Variants in VAV1 observed in about 807,000 individuals in gnomAD.
VAV1 encodes proto-oncogene vav.
VAV1 carries 33 observed loss-of-function variants against 128.1 expected under a neutral mutation model. The observed-to-expected ratio is 0.26, with a 90% CI of 0.20 to 0.34. The LOEUF is 0.34. Ranked by LOEUF, VAV1 falls within the 10% of genes least tolerant of loss-of-function variation. VAV1 has a pLI of 1.00. For missense variants in VAV1, 715 were observed against 1,093.7 expected (o/e 0.65, Z 4.88); for synonymous variants, 394 against 409.8 (o/e 0.96, Z 0.47).
At chr19:6,813,940 G>A (rs908974841) in intron 1 of VAV1, among the ~76,000 whole-genome samples, 1 of 152,026 alleles carries the variant, frequency 6.6e-6, no homozygotes, top group African/African-American at 2.4e-5. Context: ...TATGCTTGTA[G>A]TCCCAGCTAC....
At chr19:6,836,167 C>T in intron 19 of VAV1, 2 of 339,414 alleles carry the variant, frequency 5.9e-6, no homozygotes, top group Non-Finnish European at 1.1e-5. Flanking sequence ...AGCCACCGTG[C>T]CCAGCCAGGA....
rs201627485 is a variant in VAV1 at position 6,833,980 on chromosome 19, G to A, written c.1777+27G>A. On this transcript the variant is annotated intron_variant, in intron 19 of 26. Transcript: ENST00000602142. ...TGAGTTGGCAGGGGTTGCTGTGTGG[G>A]GGCAGGAGGAAAATTCATCTCTATT... is the stretch of plus-strand genomic sequence containing the variant. 14 of 1,613,842 alleles carry A rather than the reference G, an allele frequency of 8.7e-6. No individual in the cohort carries two copies. The Admixed American group carries it at 2.0e-4, about 23-fold the overall frequency.
At chr19:6,799,844 CAAAAAAAAAA>C (rs60826995) in intron 1 of VAV1, among the ~76,000 whole-genome samples, 10 of 48,950 alleles carry the variant, frequency 2.0e-4, no homozygotes, top group Non-Finnish European at 3.2e-4. Context: ...GAGACTGTCT[CAAAAAAAAAA>C]AAAAAAAAAA....
At chr19:6,845,122 T>C (rs1599678435) in intron 22 of VAV1, among the ~76,000 whole-genome samples, 1 of 152,226 alleles carries the variant, frequency 6.6e-6, no homozygotes, top group African/African-American at 2.4e-5. Flanking sequence ...GGCTCACGCC[T>C]GTAATCTCAG....
At position 6,823,926 on chromosome 19, in the gene VAV1, T is replaced by G. The variant is rs10421702; in HGVS notation, c.655-1127T>G. Among the ~76,000 whole-genome samples, 567 of 151,474 alleles carry G rather than the reference T, an allele frequency of 3.7e-3. 5 individuals carry two copies. The highest frequency in any genetic ancestry group is 0.013 in the African/African-American group (547 of 40,882). ...TCATTTGTTTTGTTTTGGTTTTTTT[T>G]GTTTCTTTTTTTTTGATTTGTTTTG... On this transcript the variant is annotated intron_variant, in intron 6 of 26. Transcript: ENST00000602142.
rs149087852 is a variant in VAV1, at chr19:6,789,291, C to T, written c.204+16280C>T. Among the ~76,000 whole-genome samples the T allele has an allele frequency of 9.7e-3, 1,455 of 150,730 alleles. 22 individuals are homozygous for T. The highest frequency in any genetic ancestry group is 0.033 in the African/African-American group (1,334 of 40,688). On this transcript the variant is annotated intron_variant, in intron 1 of 26. Coordinates refer to ENST00000602142, the MANE Select transcript of VAV1 (RefSeq NM_005428.4). Reference sequence around the variant, plus strand: ...TTTTTTTGACAGAGTCTCACTCTGTCGCCCAGGCTGGAGTGCAGTGGCGCG... The same window carrying T: ...TTTTTTTGACAGAGTCTCACTCTGTTGCCCAGGCTGGAGTGCAGTGGCGCG...
At chr19:6,804,477 T>C (rs1371729861) in intron 1 of VAV1, among the ~76,000 whole-genome samples, 1 of 149,668 alleles carries the variant, frequency 6.7e-6, no homozygotes. Flanking sequence ...AGTGCAGTAG[T>C]GCAATCTCAG....
Position 6,857,198 on chromosome 19 carries a change from C to T in VAV1, c.*91C>T, listed in dbSNP as rs55886724. On this transcript the variant is annotated 3_prime_UTR_variant, in exon 27 of 27. Coordinates refer to ENST00000602142, the MANE Select transcript of VAV1 (RefSeq NM_005428.4). ...AGCCAGGGGCTGTGACAGCTCCCGG[C>T]GGGTGGAGACTTTGGGATGGACTGG... 8.6e-3 allele frequency: 13,406 copies of T among 1,564,612 alleles called. 80 individuals are homozygous for T. The highest frequency in any genetic ancestry group is 9.7e-3 in the Non-Finnish European group (11,115 of 1,150,626).
At position 6,780,686 on chromosome 19, in the gene VAV1, C is replaced by T. The variant is rs143849977; in HGVS notation, c.204+7675C>T. ...TCCTGGGTTCAAGAGATTCTCCTGC[C>T]TCAGCCTCCCGAGTAGCTGGGATTA... On this transcript the variant is annotated intron_variant, in intron 1 of 26. Transcript: ENST00000602142. Among the ~76,000 whole-genome samples the T allele has an allele frequency of 2.2e-3, 330 of 149,238 alleles. 3 individuals are homozygous for T. Among genetic ancestry groups the T allele is most frequent in the African/African-American group, 7.7e-3 (315 of 41,064 alleles).
chr19:6,825,651 C>T (rs1971899858), intron 8 of VAV1, among the ~76,000 whole-genome samples: 1 of 152,180 alleles, frequency 6.6e-6, no homozygotes, highest in Admixed American at 6.5e-5. Context: ...AATGTGCCTC[C>T]TAGGCTGGTG....
At chr19:6,776,158 A>AT (rs1338022497) in intron 1 of VAV1, among the ~76,000 whole-genome samples, 1,002 of 52,912 alleles carry the variant, frequency 0.019, 16 homozygotes, top group African/African-American at 0.061. Context: ...TCATCTATCC[A>AT]CCCATCCATC....
At chr19:6,840,706 G>A (rs1972352491) in intron 21 of VAV1, among the ~76,000 whole-genome samples, 1 of 148,296 alleles carries the variant, frequency 6.7e-6, no homozygotes, top group South Asian at 2.2e-4. Context: ...CTAAGCTTAA[G>A]TGATCCTCCC....
chr19:6,831,323 C>T (rs1048145847), intron 14 of VAV1, among the ~76,000 whole-genome samples: 45 of 152,030 alleles, frequency 3.0e-4, no homozygotes, highest in African/African-American at 1.1e-3. Flanking sequence ...TTCTCTATTT[C>T]TTTTTTTGAG....
intron 1 of VAV1, among the ~76,000 whole-genome samples, chr19:6,793,482 G>A (rs1971062470): frequency 6.6e-6 from 1 of 152,066 alleles, no homozygotes; most frequent in African/African-American, 2.4e-5. Context: ...GAAGAAACAT[G>A]GTCTTGGGCG....
chr19:6,774,321 G>A (rs1233561665), intron 1 of VAV1, among the ~76,000 whole-genome samples: 2 of 150,756 alleles, frequency 1.3e-5, no homozygotes, highest in South Asian at 2.1e-4. Flanking sequence ...TAGAGACAGG[G>A]GTTTCACCGT....
intron 21 of VAV1, among the ~76,000 whole-genome samples, chr19:6,837,493 A>G (rs988047891): frequency 6.6e-6 from 1 of 151,916 alleles, no homozygotes; most frequent in Non-Finnish European, 1.5e-5. Context: ...CTCGCTCTTC[A>G]TGATGACTTC....
chr19:6,783,949 G>A (rs555533880), intron 1 of VAV1, among the ~76,000 whole-genome samples: 4 of 152,016 alleles, frequency 2.6e-5, no homozygotes, highest in Admixed American at 6.6e-5. Flanking sequence ...GGTATGGAGC[G>A]GGTTTCAGGA....
At chr19:6,833,980 G>C (rs201627485) in intron 19 of VAV1, 27 bp downstream of exon 19, 75 of 1,613,726 alleles carry the variant, frequency 4.6e-5, no homozygotes, top group Non-Finnish European at 5.9e-5. Flanking sequence ...TGCTGTGTGG[G>C]GGCAGGAGGA....
At chr19:6,827,352 C>A (rs759937801) in intron 9 of VAV1, among the ~76,000 whole-genome samples, 2 of 152,072 alleles carry the variant, frequency 1.3e-5, no homozygotes, top group African/African-American at 2.4e-5. Context: ...ACCACAGCCT[C>A]GACCTCCTGG....
Sources: gnomAD v4.1 joint callset for allele counts (sites outside exome capture counted in the v4.1 genomes callset) on GRCh38, gnomAD v4.1.1 for gene constraint, MANE v1.5 for transcripts, NCBI Gene and HGNC (gene_info 2026-07-23, HGNC 2026-07-21) for gene names.